Variants in MBP observed in about 807,000 individuals in gnomAD.
MBP encodes the protein myelin basic protein.
In MBP, 16 loss-of-function variants were observed where a neutral mutation model predicts 35.8. The observed-to-expected ratio is 0.45, with a 90% CI of 0.30 to 0.68. The LOEUF is 0.68. Ranked by LOEUF, MBP falls within the 30% of genes least tolerant of loss-of-function variation. MBP has a pLI of 0.08. For missense variants in MBP, 380 were observed against 404.7 expected (o/e 0.94, Z 0.52); for synonymous variants, 143 against 159.6 (o/e 0.90, Z 0.78).
intron 3 of MBP, among the ~76,000 whole-genome samples, chr18:77,022,125 G>A (rs1972012828): frequency 6.6e-6 from 1 of 152,216 alleles, no homozygotes; most frequent in African/African-American, 2.4e-5. Flanking sequence ...TTGAGAAACT[G>A]CCCTGTAAGT....
chr18:77,044,990 C>CA lies in MBP; in HGVS notation c.139+21307dup, dbSNP rs1156340809. ...TGTGAGTGTGGAGTGTGTGAGTGTT[C>CA]AAGATTCCCTACATAACGGGATACA... On this transcript the variant is annotated intron_variant, in intron 3 of 8. Transcript: ENST00000355994. This position sits in a 1 kb window ranked among gnomAD's most constrained non-coding sequence, Gnocchi z 4.4. Among the ~76,000 whole-genome samples, 2 of 146,798 alleles carry CA rather than the reference C, an allele frequency of 1.4e-5. No individual in the cohort carries two copies. The highest frequency in any genetic ancestry group is 6.9e-5 in the Admixed American group (1 of 14,452).
chr18:76,998,088 C>T (rs988263003), intron 4 of MBP, among the ~76,000 whole-genome samples: 1 of 152,240 alleles, frequency 6.6e-6, no homozygotes, highest in Non-Finnish European at 1.5e-5. Flanking sequence ...ATCACATTCG[C>T]ACTGTTGTAC....
chr18:76,986,141 C>T (rs1192748846), intron 7 of MBP: 1 of 985,452 alleles, frequency 1.0e-6, no homozygotes, highest in Admixed American at 6.1e-5. Flanking sequence ...GGAAGGCTGA[C>T]CACGCTGTTA....
At chr18:77,058,263 G>A (rs1973822895) in intron 3 of MBP, among the ~76,000 whole-genome samples, 1 of 152,130 alleles carries the variant, frequency 6.6e-6, no homozygotes, top group African/African-American at 2.4e-5. Context: ...GATGCCGAGC[G>A]CTCCCAGGCT....
At chr18:77,043,097 C>T (rs555991521) in intron 3 of MBP, among the ~76,000 whole-genome samples, 1 of 152,242 alleles carries the variant, frequency 6.6e-6, no homozygotes, top group Non-Finnish European at 1.5e-5. Context: ...ATCATGATCA[C>T]AGAATCAGAT....
At chr18:77,018,339 T>C (rs1262624778) in intron 3 of MBP, among the ~76,000 whole-genome samples, 3 of 146,012 alleles carry the variant, frequency 2.1e-5, no homozygotes, top group Non-Finnish European at 3.0e-5. Flanking sequence ...CATCCATCCA[T>C]CTATCCATCC....
At chr18:77,053,712 T>C (rs1973606166) in intron 3 of MBP, among the ~76,000 whole-genome samples, 1 of 152,166 alleles carries the variant, frequency 6.6e-6, no homozygotes, top group Non-Finnish European at 1.5e-5. Flanking sequence ...CATGTGCAAA[T>C]GAAGTCTTTG....
intron 2 of MBP, among the ~76,000 whole-genome samples, chr18:77,069,254 A>G (rs1049619626): frequency 2.0e-5 from 3 of 152,214 alleles, no homozygotes; most frequent in Non-Finnish European, 4.4e-5. Context: ...ATAGCTGGCT[A>G]TGTACACTTT....
rs190667200 is a variant in MBP, at chr18:77,063,414, G to A, written c.139+2884C>T. On this transcript the variant is annotated intron_variant, in intron 3 of 8. Coordinates refer to ENST00000355994, the MANE Select transcript of MBP (RefSeq NM_001025101.2). ...CCTCCCCTAGGGTGGATGAAATGAG[G>A]ATGCCTGGACCACAAGCTCCTCCCA... 1.4e-4 allele frequency among the ~76,000 whole-genome samples: 21 copies of A among 152,274 alleles called. No individual in the cohort carries two copies. In the East Asian group the frequency reaches 4.1e-3, roughly 29 times the overall value.
At chr18:77,074,686 C>G (rs1031212609) in intron 2 of MBP, among the ~76,000 whole-genome samples, 5 of 152,106 alleles carry the variant, frequency 3.3e-5, no homozygotes, top group Non-Finnish European at 5.9e-5. Context: ...TGGGGCGGAA[C>G]CAAAGTCCAC....
chr18:77,009,791 C>A, intron 4 of MBP: 3 of 1,449,532 alleles, frequency 2.1e-6, no homozygotes, highest in Non-Finnish European at 2.8e-6. Context: ...TGGCTGAGAG[C>A]TCAGGAAACG....
At chr18:77,025,640 A>G (rs1325897812) in intron 3 of MBP, among the ~76,000 whole-genome samples, 1 of 149,162 alleles carries the variant, frequency 6.7e-6, no homozygotes, top group Admixed American at 6.7e-5. Context: ...GGAATCAAAT[A>G]TCCATACCTG....
intron 4 of MBP, among the ~76,000 whole-genome samples, chr18:77,007,149 T>C (rs1971029463): frequency 6.6e-6 from 1 of 152,200 alleles, no homozygotes; most frequent in South Asian, 2.1e-4. Context: ...CATTTTAAAA[T>C]CCCTCTGTAT....
intron 4 of MBP, among the ~76,000 whole-genome samples, chr18:76,991,205 C>T (rs1485940896): frequency 6.6e-6 from 1 of 151,992 alleles, no homozygotes; most frequent in African/African-American, 2.4e-5. Flanking sequence ...ATCACTTCCA[C>T]ATCTCGAGTA....
chr18:76,986,209 C>T (rs1028675521), intron 7 of MBP: 25 of 985,388 alleles, frequency 2.5e-5, no homozygotes, highest in Non-Finnish European at 2.7e-5. Context: ...AGGGTCCAGA[C>T]TGCACTTTAC....
At chr18:77,060,529 C>A (rs1469233664) in intron 3 of MBP, among the ~76,000 whole-genome samples, 1 of 146,292 alleles carries the variant, frequency 6.8e-6, no homozygotes. Flanking sequence ...TCTCAGCTCA[C>A]TGCAACCTCT....
chr18:76,987,169 C>T (rs1969606464), intron 7 of MBP: 13 of 985,334 alleles, frequency 1.3e-5, no homozygotes, highest in South Asian at 9.4e-5. Context: ...CAGGGAGGAT[C>T]CGGCACGACG....
Position 76,979,667 on chromosome 18 carries a change from C to T in MBP, c.*760G>A, listed in dbSNP as rs1056369222. ...TGACGTCCAGAGGCCACCTGCTTGA[C>T]ATCTCCATCACCAAATCTCCAGGAA... On this transcript the variant is annotated 3_prime_UTR_variant, in exon 9 of 9. Transcript: ENST00000355994. The T allele has an allele frequency of 1.1e-5, 5 of 454,922 alleles. No homozygotes were observed. Among genetic ancestry groups the T allele is most frequent in the African/African-American group, 5.9e-5 (3 of 50,430 alleles). 28.2% of individuals were successfully genotyped at this position (454,922 alleles called of 1,614,324 possible). A position where few individuals can be genotyped will look rare whatever the true frequency, so the allele number is the denominator to read the frequency against.
intron 2 of MBP, among the ~76,000 whole-genome samples, chr18:77,096,486 T>C (rs1975762286): frequency 6.6e-6 from 1 of 152,198 alleles, no homozygotes; most frequent in African/African-American, 2.4e-5. Flanking sequence ...CAGTTTAATT[T>C]GGAACACCAA....
Sources: gnomAD v4.1 joint callset for allele counts (sites outside exome capture counted in the v4.1 genomes callset) on GRCh38, gnomAD v4.1.1 for gene constraint, Gnocchi (gnomAD v3.1) non-coding constraint, MANE v1.5 for transcripts, NCBI Gene and HGNC (gene_info 2026-07-23, HGNC 2026-07-21) for gene names.